Variants in CPQ observed in about 807,000 individuals in gnomAD.
The protein encoded by CPQ is Ser-Met dipeptidase.
Under a neutral mutation model 45.7 loss-of-function variants are expected in CPQ, and 37 were observed. The ratio of observed to expected loss-of-function variants is 0.81; its 90% CI spans 0.62 to 1.07. The LOEUF is 1.07. CPQ is among the 50% of genes least tolerant of loss of function. CPQ has a pLI of 0.00. For synonymous variants in CPQ, 186 were observed against 205.8 expected (o/e 0.90, Z 0.82); for missense variants, 537 against 572.9 (o/e 0.94, Z 0.64).
intron 6 of CPQ, among the ~76,000 whole-genome samples, chr8:97,052,065 T>C (rs1810374032): frequency 6.6e-6 from 1 of 152,206 alleles, no homozygotes; most frequent in African/African-American, 2.4e-5. Context: ...ATCCCGTCAG[T>C]GGTCCTCACA....
chr8:96,828,612 T>C (rs1262047496), intron 2 of CPQ, among the ~76,000 whole-genome samples: 1 of 152,056 alleles, frequency 6.6e-6, no homozygotes, highest in African/African-American at 2.4e-5. Flanking sequence ...TGCTTGAACC[T>C]GACTGAGGTG....
chr8:96,709,281 T>A (rs577722388), intron 1 of CPQ, among the ~76,000 whole-genome samples: 1 of 152,176 alleles, frequency 6.6e-6, no homozygotes, highest in Non-Finnish European at 1.5e-5. Flanking sequence ...CCAAAATCCA[T>A]TATACCAAGC....
At chr8:96,956,532 T>C (rs1260008005) in intron 4 of CPQ, among the ~76,000 whole-genome samples, 1 of 152,166 alleles carries the variant, frequency 6.6e-6, no homozygotes, top group African/African-American at 2.4e-5. Flanking sequence ...CTTCAATTCA[T>C]TGTATTGTAA....
At chr8:96,912,716 G>A (rs1364856316) in intron 4 of CPQ, among the ~76,000 whole-genome samples, 1 of 152,140 alleles carries the variant, frequency 6.6e-6, no homozygotes, top group Admixed American at 6.5e-5. Flanking sequence ...TACCTCGAAG[G>A]AGTATTAAGA....
chr8:96,646,171 C>T (rs1479286167), intron 1 of CPQ, among the ~76,000 whole-genome samples: 3 of 151,828 alleles, frequency 2.0e-5, no homozygotes, highest in African/African-American at 7.3e-5. Flanking sequence ...CAAATGGAGG[C>T]ATTCTGATTG....
chr8:96,938,678 C>A (rs1296724984), intron 4 of CPQ, among the ~76,000 whole-genome samples: 2 of 152,136 alleles, frequency 1.3e-5, no homozygotes, highest in Admixed American at 6.6e-5. Context: ...ACTCCTTCCT[C>A]TCTGCTTCTA....
In CPQ at chr8:96,791,729, T is replaced by C. The variant is rs184063220; in HGVS notation, c.433+6399T>C. ...AAAGTTGGCGTAACAGGATCTCTAATCCAGGCAGAGTGGTGCAGAGCTTAT... is the reference window on the plus strand; with the variant it reads ...AAAGTTGGCGTAACAGGATCTCTAACCCAGGCAGAGTGGTGCAGAGCTTAT... On this transcript the variant is annotated intron_variant, in intron 2 of 7. Coordinates refer to ENST00000220763, the MANE Select transcript of CPQ (RefSeq NM_016134.4). Among the ~76,000 whole-genome samples, 349 of 152,276 alleles carry C rather than the reference T, an allele frequency of 2.3e-3. 4 individuals carry two copies. Among genetic ancestry groups the C allele is most frequent in the African/African-American group, 8.2e-3 (341 of 41,560 alleles).
intron 2 of CPQ, among the ~76,000 whole-genome samples, chr8:96,795,992 T>TAA (rs1254104267): frequency 6.6e-6 from 1 of 152,054 alleles, no homozygotes; most frequent in African/African-American, 2.4e-5. Context: ...ACATTATATA[T>TAA]AATGTACATT....
intron 5 of CPQ, among the ~76,000 whole-genome samples, chr8:96,995,124 C>G (rs1390921971): frequency 6.6e-6 from 1 of 152,048 alleles, no homozygotes; most frequent in Non-Finnish European, 1.5e-5. Context: ...AACACCAGCT[C>G]TATCACTTGT....
intron 1 of CPQ, among the ~76,000 whole-genome samples, chr8:96,701,943 C>T (rs190620954): frequency 2.0e-5 from 3 of 152,278 alleles, no homozygotes; most frequent in African/African-American, 7.2e-5. Flanking sequence ...CTTGGAGATG[C>T]CTGTGGGAGG....
chr8:97,097,218 G>A (rs952029849), intron 7 of CPQ, among the ~76,000 whole-genome samples: 2 of 151,946 alleles, frequency 1.3e-5, no homozygotes, highest in African/African-American at 4.8e-5. Flanking sequence ...CTATTTTGTG[G>A]GTATATTTTC....
At chr8:97,086,577 A>G (rs758514695) in intron 7 of CPQ, among the ~76,000 whole-genome samples, 5 of 152,164 alleles carry the variant, frequency 3.3e-5, no homozygotes, top group Non-Finnish European at 7.3e-5. Context: ...ATTAGCTCAT[A>G]TAGGCTTTAC....
intron 4 of CPQ, among the ~76,000 whole-genome samples, chr8:96,911,376 C>T (rs1393603858): frequency 6.6e-6 from 1 of 152,222 alleles, no homozygotes; most frequent in Non-Finnish European, 1.5e-5. Flanking sequence ...TGCATATTCT[C>T]ACCCAGGGGT....
rs1287436748 is a variant in CPQ, at chr8:96,926,579, T to TTCC, written c.850-39354_850-39353insCTC. Among the ~76,000 whole-genome samples the TTCC allele has an allele frequency of 7.5e-3, 780 of 103,520 alleles. 8 individuals carry two copies. Among genetic ancestry groups the TTCC allele is most frequent in the African/African-American group, 0.024 (687 of 28,856 alleles). 67.9% of individuals were successfully genotyped at this position (103,520 alleles called of 152,430 possible). A position where few individuals can be genotyped will look rare whatever the true frequency, so the allele number is the denominator to read the frequency against. On this transcript the variant is annotated intron_variant, in intron 4 of 7. Transcript: ENST00000220763. ...CTTCCTCTTCCTCTTCCTCTTCCTC[T>TTCC]TCTTCTTCTTCTTCTTCTTCTTCTT... is the stretch of plus-strand genomic sequence containing the variant.
chr8:96,659,412 G>A (rs778380233), intron 1 of CPQ: 2 of 152,142 alleles, frequency 1.3e-5, no homozygotes, highest in Non-Finnish European at 2.9e-5. Flanking sequence ...AGTTCTGTGG[G>A]GCATCCAAGG....
chr8:96,771,652 A>G (rs1810544714), intron 1 of CPQ, among the ~76,000 whole-genome samples: 1 of 152,092 alleles, frequency 6.6e-6, no homozygotes, highest in Admixed American at 6.6e-5. Context: ...GTTTGTTTAT[A>G]CAGAAAGATT....
At chr8:96,742,278 TTA>T (rs1222961640) in intron 1 of CPQ, among the ~76,000 whole-genome samples, 2 of 152,246 alleles carry the variant, frequency 1.3e-5, no homozygotes, top group African/African-American at 4.8e-5. Context: ...GTCTGTTTTA[TTA>T]GAGACTAGGA....
intron 4 of CPQ, among the ~76,000 whole-genome samples, chr8:96,933,076 T>C (rs565023867): frequency 2.0e-5 from 3 of 152,162 alleles, no homozygotes; most frequent in Non-Finnish European, 2.9e-5. Flanking sequence ...CTTGCTTGCC[T>C]CAGAGAGGAC....
intron 3 of CPQ, among the ~76,000 whole-genome samples, chr8:96,863,618 A>G (rs1178657846): frequency 6.6e-6 from 1 of 152,052 alleles, no homozygotes; most frequent in Non-Finnish European, 1.5e-5. Flanking sequence ...CTCATAGTCA[A>G]GAATGTACTG....
Sources: gnomAD v4.1 joint callset for allele counts (sites outside exome capture counted in the v4.1 genomes callset) on GRCh38, gnomAD v4.1.1 for gene constraint, MANE v1.5 for transcripts, NCBI Gene and HGNC (gene_info 2026-07-23, HGNC 2026-07-21) for gene names.